The following CNTN4 variants were observed in gnomAD, a reference collection of about 807,000 sequenced individuals.
CNTN4 encodes the protein contactin 4.
CNTN4 carries 77 observed loss-of-function variants against 122.5 expected under a neutral mutation model. That is an observed-to-expected ratio of 0.63 (90% CI 0.52 to 0.76). CNTN4 has a LOEUF of 0.76. CNTN4 is among the 30% of genes least tolerant of loss of function. CNTN4 has a pLI of 0.00. For synonymous variants in CNTN4, 512 were observed against 447.0 expected (o/e 1.15, Z -1.83); for missense variants, 1,256 against 1,259.1 (o/e 1.00, Z 0.04).
At chr3:2,916,361 G>GT (rs36097745) in intron 12 of CNTN4, among the ~76,000 whole-genome samples, 1 of 149,116 alleles carries the variant, frequency 6.7e-6, no homozygotes, top group Non-Finnish European at 1.5e-5. Flanking sequence ...CTTCCGCAGT[G>GT]TTTGTGTCCC....
At chr3:2,922,854 G>C (rs1242292150) in intron 12 of CNTN4, among the ~76,000 whole-genome samples, 2 of 152,008 alleles carry the variant, frequency 1.3e-5, no homozygotes. Context: ...CATGTGATCT[G>C]CCCACCTCAG....
In CNTN4 at chr3:2,794,534, TAGA is replaced by T. The variant is rs1376527436; in HGVS notation, c.359-24945_359-24943del. Among the ~76,000 whole-genome samples, 2 of 152,072 alleles carry T rather than the reference TAGA, an allele frequency of 1.3e-5. 1 individual carries two copies. On this transcript the variant is annotated intron_variant, in intron 6 of 24. Coordinates refer to ENST00000418658, the MANE Select transcript of CNTN4 (RefSeq NM_175607.3). ...GTTAACATAGCATAAGACAGTGGAG[TAGA>T]AGAAGAGTGAAAGTATCGACTTGGG...
At chr3:2,145,972 CATT>C (rs1419698822) in intron 2 of CNTN4, among the ~76,000 whole-genome samples, 3 of 149,728 alleles carry the variant, frequency 2.0e-5, no homozygotes, top group African/African-American at 7.4e-5. Flanking sequence ...ATGAAGTTGG[CATT>C]AGTTTTGTTT....
chr3:2,553,276 A>G lies in CNTN4; in HGVS notation c.-88-18140A>G, dbSNP rs141235839. On this transcript the variant is annotated intron_variant, in intron 3 of 24. Transcript: ENST00000418658. ...CATGAGAATGGTGGACTGGGTTTGT[A>G]TGTTCCAACTAGCACTCATTCCGGG... Among the ~76,000 whole-genome samples the G allele has an allele frequency of 3.2e-4, 49 of 152,304 alleles. No homozygotes were observed. In the East Asian group the frequency reaches 7.9e-3, roughly 25 times the overall value.
chr3:2,392,453 A>G (rs1284446419), intron 3 of CNTN4, among the ~76,000 whole-genome samples: 1 of 152,070 alleles, frequency 6.6e-6, no homozygotes, highest in African/African-American at 2.4e-5. Context: ...AAATATGCAC[A>G]CAGTCTTCAT....
chr3:2,429,374 G>A lies in CNTN4; in HGVS notation c.-89+90141G>A, dbSNP rs559007789. 1.1e-4 allele frequency among the ~76,000 whole-genome samples: 16 copies of A among 152,330 alleles called. No homozygotes were observed. In the South Asian group the frequency reaches 2.9e-3, roughly 28 times the overall value. On this transcript the variant is annotated intron_variant, in intron 3 of 24. Coordinates refer to ENST00000418658, the MANE Select transcript of CNTN4 (RefSeq NM_175607.3). ...CCAGACCCTGTTTGCCTGAGTGTCAGCAGCAGAGGCTGCGGAACAGCAAAT... is the reference window on the plus strand; with the variant it reads ...CCAGACCCTGTTTGCCTGAGTGTCAACAGCAGAGGCTGCGGAACAGCAAAT...
intron 3 of CNTN4, among the ~76,000 whole-genome samples, chr3:2,495,719 T>C (rs2076435472): frequency 6.6e-6 from 1 of 152,180 alleles, no homozygotes; most frequent in African/African-American, 2.4e-5. Context: ...TAATGCCTGA[T>C]GACCTGAGGG....
intron 14 of CNTN4, among the ~76,000 whole-genome samples, chr3:3,025,744 G>A (rs1698670316): frequency 6.6e-6 from 1 of 152,248 alleles, no homozygotes; most frequent in Middle Eastern, 3.4e-3. Context: ...CTGAAATGTA[G>A]CTTTCTAGTG....
At chr3:2,413,759 TG>T (rs1485163368) in intron 3 of CNTN4, among the ~76,000 whole-genome samples, 1 of 152,080 alleles carries the variant, frequency 6.6e-6, no homozygotes, top group Non-Finnish European at 1.5e-5. Flanking sequence ...GGCCAGGCTT[TG>T]GAACTCCTGA....
chr3:2,142,126 C>A (rs536832574), intron 2 of CNTN4, among the ~76,000 whole-genome samples: 1 of 152,138 alleles, frequency 6.6e-6, no homozygotes, highest in Non-Finnish European at 1.5e-5. Context: ...TAGCATGGGG[C>A]TATTTCGATT....
intron 10 of CNTN4, 121 bp from the exon 11 acceptor site, chr3:2,900,564 G>T: frequency 4.6e-6 from 5 of 1,093,106 alleles, no homozygotes; most frequent in Non-Finnish European, 6.9e-6. Context: ...CTTGTTATTT[G>T]CATAACATCT....
At chr3:2,164,755 C>A (rs2036122968) in intron 2 of CNTN4, among the ~76,000 whole-genome samples, 1 of 152,034 alleles carries the variant, frequency 6.6e-6, no homozygotes, top group Admixed American at 6.5e-5. Flanking sequence ...GGGTTGCAAT[C>A]ATAGTATTCT....
At chr3:2,165,514 CT>C (rs34829115) in intron 2 of CNTN4, among the ~76,000 whole-genome samples, 14,581 of 152,038 alleles carry the variant, frequency 0.096, 1,181 homozygotes, top group East Asian at 0.32. Context: ...ACATAGTTAC[CT>C]TTTTTTGTTG....
chr3:2,603,716 A>G (rs1052789909), intron 4 of CNTN4, among the ~76,000 whole-genome samples: 3 of 152,202 alleles, frequency 2.0e-5, no homozygotes, highest in African/African-American at 7.2e-5. Context: ...GGGCTGGTCT[A>G]TTACTTCTTC....
intron 13 of CNTN4, among the ~76,000 whole-genome samples, chr3:2,957,775 C>T (rs1170569594): frequency 0.023 from 7 of 306 alleles, no homozygotes; most frequent in African/African-American, 0.078. Flanking sequence ...CGATTTTGTT[C>T]TTTTATATGC....
At chr3:2,388,722 G>T (rs535356559) in intron 3 of CNTN4, among the ~76,000 whole-genome samples, 1 of 152,256 alleles carries the variant, frequency 6.6e-6, no homozygotes, top group South Asian at 2.1e-4. Context: ...GCATGCATCT[G>T]CAATCCCAGC....
At chr3:2,751,249 T>A (rs1044046249) in intron 6 of CNTN4, among the ~76,000 whole-genome samples, 1 of 150,962 alleles carries the variant, frequency 6.6e-6, no homozygotes, top group Admixed American at 6.6e-5. Context: ...CAGAGCTTGC[T>A]GTGAGCCGAG....
At chr3:2,353,228 G>A (rs899573456) in intron 3 of CNTN4, among the ~76,000 whole-genome samples, 5 of 152,042 alleles carry the variant, frequency 3.3e-5, no homozygotes, top group African/African-American at 1.2e-4. Context: ...CTAGCTAGAG[G>A]ACTGTAAATG....
chr3:2,842,026 GA>G (rs2093370617), intron 7 of CNTN4, among the ~76,000 whole-genome samples: 1 of 152,034 alleles, frequency 6.6e-6, no homozygotes, highest in Non-Finnish European at 1.5e-5. Context: ...TTATTGAAGA[GA>G]AAATATTGAG....
Sources: allele counts gnomAD v4.1 joint callset (sites outside exome capture counted in the v4.1 genomes callset), GRCh38; gene constraint gnomAD v4.1.1; transcripts MANE v1.5; gene names NCBI Gene and HGNC (gene_info 2026-07-23, HGNC 2026-07-21).